CHKB: variants seen among roughly 807,000 people sequenced by gnomAD.
The protein encoded by CHKB is choline/ethanolamine kinase.
Under a neutral mutation model 57.3 loss-of-function variants are expected in CHKB, and 45 were observed. That is an observed-to-expected ratio of 0.79 (90% CI 0.62 to 1.01). The LOEUF (loss-of-function observed/expected upper bound fraction) is 1.01. CHKB is among the 50% of genes least tolerant of loss of function. CHKB has a pLI of 0.00. For missense variants in CHKB, 517 were observed against 502.8 expected (o/e 1.03, Z -0.27); for synonymous variants, 224 against 201.8 (o/e 1.11, Z -0.93).
chr22:50,580,479 T>C, intron 5 of CHKB, 63 bp from the exon 6 acceptor site: 2 of 1,609,438 alleles, frequency 1.2e-6, no homozygotes, highest in East Asian at 2.2e-5. Context: ...AGAGCCACCC[T>C]AACAGGCCAG....
At chr22:50,579,329 C>T in intron 10 of CHKB, 74 bp from the exon 11 acceptor site, 2 of 1,581,874 alleles carry the variant, frequency 1.3e-6, no homozygotes, top group East Asian at 2.3e-5. Context: ...CTCAGGCTGC[C>T]CACAGCCACC....
At position 50,581,871 on chromosome 22, in the gene CHKB, G is replaced by C. The variant is rs758986822; in HGVS notation, c.334-9C>G. 3 of 1,613,112 alleles carry C rather than the reference G, an allele frequency of 1.9e-6. No homozygotes were observed. Among genetic ancestry groups the C allele is most frequent in the Non-Finnish European group, 2.5e-6 (3 of 1,179,462 alleles). ...ACCAGGGAGTCCACGCCCTGAAAAA[G>C]GATGGACAGCAAAGGGGCCAAGGCA... On this transcript the variant is annotated splice_polypyrimidine_tract_variant and intron_variant, in intron 2 of 10. Coordinates refer to ENST00000406938, the MANE Select transcript of CHKB (RefSeq NM_005198.5).
chr22:50,582,415 G>C (rs1012006163), intron 1 of CHKB, 58 bp from the exon 2 acceptor site: 1 of 1,485,936 alleles, frequency 6.7e-7, no homozygotes. Context: ...CCGCGGCCCC[G>C]GCCCCCTCCC....
rs552799306 is a variant in CHKB, at chr22:50,582,467, G to T, written c.224+91C>A. 4.7e-5 allele frequency: 69 copies of T among 1,479,256 alleles called. 1 individual carries two copies. Among genetic ancestry groups the T allele is most frequent in the East Asian group, 8.4e-5 (3 of 35,556 alleles). The allele number at this position is 1,479,256 out of a possible 1,614,324, so 91.6% of individuals were successfully genotyped here. A position where few individuals can be genotyped will look rare whatever the true frequency, so the allele number is the denominator to read the frequency against. On this transcript the variant is annotated intron_variant, in intron 1 of 10. Coordinates refer to ENST00000406938, the MANE Select transcript of CHKB (RefSeq NM_005198.5). ...CCCCGCCCCAGGCGCGGGCGCAAGA[G>T]GGGGGCGAAAACATGGAGCATCCTG... is the stretch of plus-strand genomic sequence containing the variant.
chr22:50,581,557 C>T lies in CHKB; in HGVS notation c.448-4G>A, dbSNP rs1379045726. 2 of 1,613,810 alleles carry T rather than the reference C, an allele frequency of 1.2e-6. No homozygotes were observed. Among genetic ancestry groups the T allele is most frequent in the Non-Finnish European group, 1.7e-6 (2 of 1,180,028 alleles). On this transcript the variant is annotated splice_region_variant and splice_polypyrimidine_tract_variant and intron_variant, in intron 3 of 10. Transcript: ENST00000406938. The stretch of plus-strand genomic sequence containing the variant: ...CTTGAGTTTTCAATGGCCGACTCTG[C>T]ACCCAGGAAGCTATCAGGGTGGTGA...
Position 50,582,615 on chromosome 22 carries a change from T to A in CHKB, c.167A>T (p.Tyr56Phe). The A allele has an allele frequency of 6.2e-7, 1 of 1,611,270 alleles. No individual in the cohort carries two copies. The highest frequency in any genetic ancestry group is 8.5e-7 in the Non-Finnish European group (1 of 1,179,384). The change falls in exon 1 of 11, where the codon TAC becomes TTC. Residue 56 changes from tyrosine (Y) to phenylalanine (F), a missense_variant. Tyr to Phe is a conservative substitution (Grantham distance 22, BLOSUM62 3). Coordinates refer to ENST00000406938, the MANE Select transcript of CHKB (RefSeq NM_005198.5). ...ERRAYQWCRE[Y>F]LGGAWRRVQP... ...CACTCGGCGCCAGGCCCCGCCCAAGTACTCCCGGCACCATTGGTAGGCTCG... is the reference window on the plus strand; with the variant it reads ...CACTCGGCGCCAGGCCCCGCCCAAGAACTCCCGGCACCATTGGTAGGCTCG...
chr22:50,582,159 C>T, intron 2 of CHKB, 90 bp downstream of exon 2: 1 of 1,224,150 alleles, frequency 8.2e-7, no homozygotes. Flanking sequence ...CCTCGGTGTC[C>T]TCAACTGCGC....
chr22:50,580,281 T>C lies in CHKB; in HGVS notation c.737-10A>G, dbSNP rs765702456. ...AGCAGCAAGATGTTCCCTGGGGGAA[T>C]GGGGTGAGGTTCTGCTCACTCCAGA... is the stretch of plus-strand genomic sequence containing the variant. On this transcript the variant is annotated splice_polypyrimidine_tract_variant and intron_variant, in intron 6 of 10. Coordinates refer to ENST00000406938, the MANE Select transcript of CHKB (RefSeq NM_005198.5). The C allele has an allele frequency of 8.1e-6, 13 of 1,614,028 alleles. No individual in the cohort carries two copies. The highest frequency in any genetic ancestry group is 1.7e-5 in the Admixed American group (1 of 60,028).
intron 1 of CHKB, 65 bp downstream of exon 1, chr22:50,582,493 A>C: frequency 6.6e-7 from 1 of 1,513,736 alleles, no homozygotes; most frequent in Non-Finnish European, 8.9e-7. Flanking sequence ...GAGCATCCTG[A>C]GGGCCCCGCG....
Position 50,580,410 on chromosome 22 carries a change from T to TA in CHKB, c.683dup (p.Leu228PhefsTer15). 1 of 1,613,952 alleles carries TA rather than the reference T, an allele frequency of 6.2e-7. No homozygotes were observed. The highest frequency in any genetic ancestry group is 1.3e-5 in the African/African-American group (1 of 75,008). On this transcript the variant is annotated frameshift_variant, in exon 6 of 11. Coordinates refer to ENST00000406938, the MANE Select transcript of CHKB (RefSeq NM_005198.5). LOFTEE classifies it high-confidence loss of function. ...CGACTGGCGATGGGGTAGACTCTAG[T>TA]AACTTCCTACAGGGGTATGGGAGCA...
intron 9 of CHKB, 99 bp downstream of exon 9, chr22:50,579,626 ACT>A: frequency 1.3e-6 from 2 of 1,487,252 alleles, no homozygotes; most frequent in Non-Finnish European, 1.9e-6. Flanking sequence ...TCCTAACTCC[ACT>A]CTCCACAGCC....
Position 50,579,491 on chromosome 22 carries a change from G to A in CHKB, c.1048C>T (p.His350Tyr). The change falls in exon 10 of 11, where the codon CAT becomes TAT. Residue 350 changes from histidine (H) to tyrosine (Y), a missense_variant. Physicochemically the swap from His to Tyr is moderately conservative, Grantham distance 83 (BLOSUM62 2). Transcript: ENST00000406938. ...ATGGACCACAGACCCCAGAAGAAAT[G>A]GGATGCCAGAGCATACCTGGGGGGA... is the stretch of plus-strand genomic sequence containing the variant. ...VEVSRYALAS[H>Y]FFWGLWSILQ... 3 of 1,613,490 alleles carry A rather than the reference G, an allele frequency of 1.9e-6. No homozygotes were observed. Among genetic ancestry groups the A allele is most frequent in the East Asian group, 2.2e-5 (1 of 44,876 alleles).
In CHKB at chr22:50,581,467, C is replaced by T; in HGVS notation, c.534G>A (p.Glu178=). The change falls in exon 4 of 11, where the codon GAG becomes GAA. Residue 178 remains glutamate, a synonymous_variant. Transcript: ENST00000406938. The stretch of plus-strand genomic sequence containing the variant: ...AGTGGGGCTCCTTGGTGAAAGGCAT[C>T]TCCATGCCATGAAATTGCGCCATCT... The part of the protein sequence containing the change: ...ATKMAQFHGM[E]MPFTKEPHWL... 6.2e-7 allele frequency: 1 copy of T among 1,613,896 alleles called. No homozygotes were observed. Among genetic ancestry groups the T allele is most frequent in the Non-Finnish European group, 8.5e-7 (1 of 1,180,026 alleles).
In CHKB at chr22:50,579,821, T is replaced by C. The variant is rs757983603; in HGVS notation, c.937A>G (p.Ile313Val). 17 of 1,613,598 alleles carry C rather than the reference T, an allele frequency of 1.1e-5. No homozygotes were observed. The highest frequency in any genetic ancestry group is 1.4e-5 in the Non-Finnish European group (16 of 1,179,942). ...YPTQEQQLHF[I>V]RHYLAEAKKG... ...TTTGCCTCTGCCAGGTAATGACGAA[T>C]AAAATGCAACTACGATCAATGGCCA... is the stretch of plus-strand genomic sequence containing the variant. The change falls in exon 9 of 11, where the codon ATT becomes GTT. Residue 313 changes from isoleucine (I) to valine (V), a missense_variant. Transcript: ENST00000406938.
rs753195116 is a variant in CHKB at position 50,581,816 on chromosome 22, G to C, written c.380C>G (p.Ala127Gly). 35 of 1,613,828 alleles carry C rather than the reference G, an allele frequency of 2.2e-5. No homozygotes were observed. Among genetic ancestry groups the C allele is most frequent in the Non-Finnish European group, 2.9e-5 (34 of 1,180,012 alleles). Residue 127 changes from alanine (A) to glycine (G), a missense_variant, in exon 3 of 11, where the codon GCG (alanine) becomes GGG (glycine). Coordinates refer to ENST00000406938, the MANE Select transcript of CHKB (RefSeq NM_005198.5). ...VLESVMFAILAERSLGPQLYG... is the reference protein window; with the variant it reads ...VLESVMFAILGERSLGPQLYG... ...CAGCTGGGGCCCCAGCGACCGCTCC[G>C]CAAGTATGGCGAACATCACGCTTTC...
In CHKB at chr22:50,582,595, G is replaced by A; in HGVS notation, c.187C>T (p.Arg63Ter). The change falls in exon 1 of 11, where the codon CGA becomes TGA. Residue 63 changes from arginine to a stop codon, truncating the protein, a stop_gained. Coordinates refer to ENST00000406938, the MANE Select transcript of CHKB (RefSeq NM_005198.5). LOFTEE classifies it high-confidence loss of function. ...CREYLGGAWR[R>*]VQPEELRVYP... is the part of the protein sequence containing the mutation. ...ACCCTCAGCTCCTCGGGCTGCACTCGGCGCCAGGCCCCGCCCAAGTACTCC... is the reference window on the plus strand; with the variant it reads ...ACCCTCAGCTCCTCGGGCTGCACTCAGCGCCAGGCCCCGCCCAAGTACTCC... 5.6e-6 allele frequency: 9 copies of A among 1,610,410 alleles called. No individual in the cohort carries two copies. Among genetic ancestry groups the A allele is most frequent in the Non-Finnish European group, 7.6e-6 (9 of 1,178,984 alleles).
At chr22:50,580,852 T>C (rs2070677846) in intron 4 of CHKB, 192 bp from the exon 5 acceptor site, 4 of 588,852 alleles carry the variant, frequency 6.8e-6, no homozygotes, top group Non-Finnish European at 1.2e-5. Flanking sequence ...CGATCTTGGC[T>C]CACTGCAACC....
rs1442580544 is a variant in CHKB at position 50,579,966 on chromosome 22, C to T, written c.927+8G>A. ...TGGGTCCTGCTCCCCAGCCTCTGGC[C>T]CACATACCTGCTGTTCTTGAGTGGG... is the stretch of plus-strand genomic sequence containing the variant. On this transcript the variant is annotated splice_region_variant and intron_variant, in intron 8 of 10. Coordinates refer to ENST00000406938, the MANE Select transcript of CHKB (RefSeq NM_005198.5). 3 of 1,613,444 alleles carry T rather than the reference C, an allele frequency of 1.9e-6. No homozygotes were observed. The highest frequency in any genetic ancestry group is 1.3e-5 in the African/African-American group (1 of 74,906).
intron 9 of CHKB, 68 bp from the exon 10 acceptor site, chr22:50,579,575 C>G: frequency 6.3e-7 from 1 of 1,577,686 alleles, no homozygotes; most frequent in Middle Eastern, 1.7e-4. Flanking sequence ...TCCCCTCACC[C>G]AGGTTGGCCA....
Sources: gnomAD v4.1 joint callset for allele counts on GRCh38, gnomAD v4.1.1 for gene constraint, MANE v1.5 for transcripts, NCBI Gene and HGNC (gene_info 2026-07-23, HGNC 2026-07-21) for gene names.